Variants in VPS37A observed in about 807,000 individuals in gnomAD.
VPS37A encodes the protein vacuolar protein sorting-associated protein 37A.
A neutral mutation model predicts 49.8 loss-of-function variants in VPS37A; 30 were observed. The ratio of observed to expected loss-of-function variants is 0.60; its 90% CI spans 0.45 to 0.82. The LOEUF (loss-of-function observed/expected upper bound fraction) is 0.82, where lower values mean the gene tolerates loss of function less well. VPS37A is among the 40% of genes least tolerant of loss of function. The pLI, the probability that VPS37A is intolerant of heterozygous loss-of-function variation, is 0.00. For missense variants in VPS37A, 593 were observed against 464.4 expected (o/e 1.28, Z -2.55); for synonymous variants, 195 against 160.6 (o/e 1.21, Z -1.62).
At chr8:17,278,843 TC>T (rs1814767194) in intron 6 of VPS37A, among the ~76,000 whole-genome samples, 1 of 152,108 alleles carries the variant, frequency 6.6e-6, no homozygotes, top group Admixed American at 6.6e-5. Context: ...CAGTCCATTT[TC>T]CCTGAATTTT....
intron 1 of VPS37A, chr8:17,247,932 G>T: frequency 1.6e-6 from 1 of 611,014 alleles, no homozygotes; most frequent in Non-Finnish European, 2.9e-6. Context: ...ATCTCACAGC[G>T]ACCAGTGCAT....
At chr8:17,276,495 ATTGTCTAT>A in intron 6 of VPS37A, 28 bp downstream of exon 6, 1 of 1,589,056 alleles carries the variant, frequency 6.3e-7, no homozygotes, top group Non-Finnish European at 8.6e-7. Flanking sequence ...AGTTGGTCAC[ATTGTCTAT>A]TTTATTTGTA....
intron 11 of VPS37A, 81 bp downstream of exon 11, chr8:17,286,508 C>T: frequency 4.9e-6 from 6 of 1,233,812 alleles, no homozygotes; most frequent in Non-Finnish European, 7.0e-6. Flanking sequence ...GGTGCCTGTT[C>T]ATCAGCCTTA....
At chr8:17,278,760 T>C (rs946379522) in intron 6 of VPS37A, among the ~76,000 whole-genome samples, 12 of 152,164 alleles carry the variant, frequency 7.9e-5, no homozygotes, top group African/African-American at 2.7e-4. Flanking sequence ...CTGTTGTTTT[T>C]TTAATCTCTC....
the VPS37A span, among the ~76,000 whole-genome samples, chr8:17,325,120 G>A: frequency 1.2e-4 from 19 of 152,094 alleles, no homozygotes; most frequent in Admixed American, 9.8e-4. Flanking sequence ...AAGGGACATC[G>A]GAACCGACAG....
intron 1 of VPS37A, among the ~76,000 whole-genome samples, chr8:17,258,667 T>A (rs527716145): frequency 1.2e-4 from 18 of 144,608 alleles, no homozygotes; most frequent in Non-Finnish European, 2.2e-4. Flanking sequence ...CCTTCTTCAA[T>A]TTTTTTGAAG....
chr8:17,304,801 CAA>C (rs1482055211), downstream of VPS37A, among the ~76,000 whole-genome samples: 1 of 132,762 alleles, frequency 7.5e-6, no homozygotes, highest in East Asian at 2.2e-4. Context: ...TTTTTTCCCC[CAA>C]ATAGTCATTG....
chr8:17,322,434 G>C, the VPS37A span, among the ~76,000 whole-genome samples: 1 of 152,200 alleles, frequency 6.6e-6, no homozygotes, highest in Non-Finnish European at 1.5e-5. Context: ...CAAATTCACA[G>C]TGTATCATGG....
intron 1 of VPS37A, among the ~76,000 whole-genome samples, chr8:17,253,531 A>G (rs1430320677): frequency 6.6e-6 from 1 of 152,258 alleles, no homozygotes; most frequent in East Asian, 1.9e-4. Flanking sequence ...GGCAAAGGCT[A>G]TGGAGACTTT....
chr8:17,252,333 T>TTTGTTGTTG (rs150978188), intron 1 of VPS37A, among the ~76,000 whole-genome samples: 1 of 151,694 alleles, frequency 6.6e-6, no homozygotes, highest in African/African-American at 2.4e-5. Context: ...TTTAATTACT[T>TTTGTTGTTG]TTGTTGTTGT....
At chr8:17,278,854 T>C (rs1291436662) in intron 6 of VPS37A, among the ~76,000 whole-genome samples, 1 of 152,150 alleles carries the variant, frequency 6.6e-6, no homozygotes, top group Non-Finnish European at 1.5e-5. Context: ...CCCTGAATTT[T>C]AAAGACTGCT....
chr8:17,272,694 A>G (rs4922275), intron 4 of VPS37A, among the ~76,000 whole-genome samples: 17 of 152,312 alleles, frequency 1.1e-4, no homozygotes, highest in African/African-American at 3.8e-4. Flanking sequence ...TTATATTCAC[A>G]TACATATCAC....
Position 17,286,414 on chromosome 8 carries a change from A to G in VPS37A, c.1181A>G (p.His394Arg). ...QQAIAMHSQF[H>R]APL Reference sequence around the variant, plus strand: ...GCGATAGCAATGCACAGCCAATTTCATGCTCCACTATAGGTAAATTGTATT... The same window carrying G: ...GCGATAGCAATGCACAGCCAATTTCGTGCTCCACTATAGGTAAATTGTATT... The change falls in exon 11 of 12, where the codon CAT (histidine) becomes CGT (arginine). Residue 394 changes from histidine (H) to arginine (R), a missense_variant. By Grantham distance (29) the His-to-Arg change is conservative. Coordinates refer to ENST00000324849, the MANE Select transcript of VPS37A (RefSeq NM_152415.3). The G allele has an allele frequency of 6.2e-7, 1 of 1,613,646 alleles. No individual in the cohort carries two copies. Among genetic ancestry groups the G allele is most frequent in the South Asian group, 1.1e-5 (1 of 91,028 alleles).
At chr8:17,298,150 G>T (rs890331429), downstream of VPS37A, 1 of 152,008 alleles carries the variant, frequency 6.6e-6, no homozygotes, top group African/African-American at 2.4e-5. Context: ...GCTCCAAGAA[G>T]GTTGTGAAGT....
At chr8:17,248,350 C>T (rs758192820) in intron 1 of VPS37A, 22 of 454,902 alleles carry the variant, frequency 4.8e-5, no homozygotes, top group Admixed American at 1.4e-4. Context: ...CTGCAACCTC[C>T]GTCTCCCGGA....
chr8:17,303,760 C>T (rs1441613556), downstream of VPS37A, among the ~76,000 whole-genome samples: 1 of 152,156 alleles, frequency 6.6e-6, no homozygotes, highest in African/African-American at 2.4e-5. Flanking sequence ...CAGGCGCTCA[C>T]CACCATGCCC....
chr8:17,254,513 A>G (rs1246571423), intron 1 of VPS37A, among the ~76,000 whole-genome samples: 2 of 152,140 alleles, frequency 1.3e-5, no homozygotes, highest in African/African-American at 2.4e-5. Context: ...CTTCCCCCCA[A>G]ACTCTTAGTT....
At chr8:17,291,668 A>G (rs1816172623) in intron 11 of VPS37A, among the ~76,000 whole-genome samples, 1 of 152,128 alleles carries the variant, frequency 6.6e-6, no homozygotes, top group Non-Finnish European at 1.5e-5. Flanking sequence ...AGATTCTGGT[A>G]CATTGTGTCT....
chr8:17,309,086 C>T, the VPS37A span, among the ~76,000 whole-genome samples: 58 of 152,138 alleles, frequency 3.8e-4, no homozygotes, highest in Non-Finnish European at 4.4e-4. Flanking sequence ...TAGTTCTGCC[C>T]AACTGTTACC....
Sources: allele counts gnomAD v4.1 joint callset (sites outside exome capture counted in the v4.1 genomes callset), GRCh38; gene constraint gnomAD v4.1.1; transcripts MANE v1.5; gene names NCBI Gene and HGNC (gene_info 2026-07-23, HGNC 2026-07-21).